CTNNA3: variants seen among roughly 807,000 people sequenced by gnomAD.
CTNNA3 encodes the protein catenin alpha-3.
A neutral mutation model predicts 95.7 loss-of-function variants in CTNNA3; 76 were observed. The observed-to-expected ratio is 0.79, with a 90% CI of 0.66 to 0.96. The LOEUF is 0.96. Among genes scored for constraint, CTNNA3 ranks in the 40% least tolerant of loss-of-function variants. CTNNA3 has a pLI of 0.00. For synonymous variants in CTNNA3, 431 were observed against 374.4 expected (o/e 1.15, Z -1.74); for missense variants, 1,191 against 1,089.8 (o/e 1.09, Z -1.31).
At chr10:67,224,552 C>T (rs544473833) in intron 5 of CTNNA3, among the ~76,000 whole-genome samples, 6 of 152,288 alleles carry the variant, frequency 3.9e-5, no homozygotes, top group Middle Eastern at 3.4e-3. Context: ...GCCCCAACTG[C>T]GGAAGTGGGA....
intron 7 of CTNNA3, among the ~76,000 whole-genome samples, chr10:67,011,560 A>G (rs1279721300): frequency 6.6e-6 from 1 of 152,166 alleles, no homozygotes; most frequent in Non-Finnish European, 1.5e-5. Context: ...TCTATTCCAT[A>G]ACATGTACAT....
At chr10:66,475,636 A>G (rs543128101) in intron 11 of CTNNA3, among the ~76,000 whole-genome samples, 1 of 152,256 alleles carries the variant, frequency 6.6e-6, no homozygotes, top group East Asian at 1.9e-4. Context: ...TGATCATTAG[A>G]AAAATGCAAA....
chr10:66,199,694 C>T (rs1388928493), intron 13 of CTNNA3, among the ~76,000 whole-genome samples: 5 of 141,150 alleles, frequency 3.5e-5, no homozygotes, highest in African/African-American at 5.4e-5. Context: ...CTTCGCCTCC[C>T]GGGTTCAAGT....
At chr10:66,467,662 T>C (rs759516273) in intron 11 of CTNNA3, among the ~76,000 whole-genome samples, 5 of 152,096 alleles carry the variant, frequency 3.3e-5, no homozygotes, top group Non-Finnish European at 5.9e-5. Context: ...CAGATTACTA[T>C]AACCATCATG....
chr10:66,668,422 A>ATGTGTGTG lies in CTNNA3; in HGVS notation c.1282-46646_1282-46639dup, dbSNP rs3055580. On this transcript the variant is annotated intron_variant, in intron 9 of 17. Transcript: ENST00000433211. ...CTAAAACTTTTTTCTCAACTCTCAT[A>ATGTGTGTG]TGTGTGTGTGTGTGTGTGTGTGTGT... 3.7e-3 allele frequency among the ~76,000 whole-genome samples: 545 copies of ATGTGTGTG among 146,980 alleles called. 2 individuals carry two copies. Among genetic ancestry groups the ATGTGTGTG allele is most frequent in the East Asian group, 7.7e-3 (38 of 4,950 alleles).
At chr10:67,552,584 A>G (rs796385620) in intron 3 of CTNNA3, among the ~76,000 whole-genome samples, 71 of 152,022 alleles carry the variant, frequency 4.7e-4, no homozygotes, top group African/African-American at 1.6e-3. Context: ...AATGTGTACC[A>G]TGGTGGTTTG....
chr10:67,716,678 T>G (rs1841145535), intron 1 of CTNNA3, among the ~76,000 whole-genome samples: 1 of 152,222 alleles, frequency 6.6e-6, no homozygotes, highest in Admixed American at 6.5e-5. Flanking sequence ...TGCATAGTAT[T>G]CCATGGTGTG....
At chr10:66,411,848 C>T (rs760639427) in intron 11 of CTNNA3, among the ~76,000 whole-genome samples, 1 of 152,058 alleles carries the variant, frequency 6.6e-6, no homozygotes, top group African/African-American at 2.4e-5. Context: ...AGGAAACACA[C>T]CCAAAAGGAA....
intron 11 of CTNNA3, among the ~76,000 whole-genome samples, chr10:66,407,624 G>A (rs1955299): frequency 0.63 from 95,908 of 151,310 alleles, 32,425 homozygotes; most frequent in East Asian, 0.88. Flanking sequence ...TCTGTCACCC[G>A]GGCTGGAGTG....
intron 5 of CTNNA3, among the ~76,000 whole-genome samples, chr10:67,270,130 CAA>C (rs201216673): frequency 0.01 from 1,021 of 100,526 alleles, 9 homozygotes; most frequent in African/African-American, 0.032. Flanking sequence ...CAGTATTTGT[CAA>C]AAAAAAAAAA....
chr10:67,594,296 C>T (rs575466526), intron 3 of CTNNA3, among the ~76,000 whole-genome samples: 342 of 152,154 alleles, frequency 2.2e-3, no homozygotes, highest in Non-Finnish European at 3.8e-3. Context: ...CCCTCCTCCT[C>T]GATTTTTTGA....
At chr10:66,441,587 A>G (rs1055647671) in intron 11 of CTNNA3, among the ~76,000 whole-genome samples, 1 of 152,244 alleles carries the variant, frequency 6.6e-6, no homozygotes, top group Non-Finnish European at 1.5e-5. Context: ...TGTGAATTAC[A>G]TAATGCAAAC....
chr10:67,306,176 A>G (rs1840546557), intron 5 of CTNNA3, among the ~76,000 whole-genome samples: 1 of 152,198 alleles, frequency 6.6e-6, no homozygotes. Flanking sequence ...AAAAAATTAT[A>G]GAGCCCAGGG....
intron 7 of CTNNA3, among the ~76,000 whole-genome samples, chr10:66,913,035 C>A (rs1364166835): frequency 6.6e-6 from 1 of 151,504 alleles, no homozygotes; most frequent in Non-Finnish European, 1.5e-5. Flanking sequence ...GTCAGGAGAT[C>A]GAGACCATCT....
At chr10:67,336,092 C>T (rs115120577) in intron 5 of CTNNA3, among the ~76,000 whole-genome samples, 2,388 of 152,180 alleles carry the variant, frequency 0.016, 72 homozygotes, top group African/African-American at 0.053. Context: ...ATGAACAGCA[C>T]CCATAAAAGA....
At chr10:67,184,420 T>C (rs1293523343) in intron 6 of CTNNA3, among the ~76,000 whole-genome samples, 1 of 152,202 alleles carries the variant, frequency 6.6e-6, no homozygotes, top group Non-Finnish European at 1.5e-5. Context: ...AAAAAATTTC[T>C]ATTGAAAGCT....
At chr10:67,454,663 G>A (rs956442568) in intron 5 of CTNNA3, among the ~76,000 whole-genome samples, 2 of 151,984 alleles carry the variant, frequency 1.3e-5, no homozygotes, top group African/African-American at 2.4e-5. Flanking sequence ...AATGAGGAGT[G>A]AATTAGATCA....
In CTNNA3 at chr10:66,392,903, CCCAGAT is replaced by C. The variant is rs560591253; in HGVS notation, c.1532-13557_1532-13552del. 4.5e-4 allele frequency among the ~76,000 whole-genome samples: 68 copies of C among 152,168 alleles called. 1 individual carries two copies. In the South Asian group the frequency reaches 0.014, roughly 31 times the overall value. On this transcript the variant is annotated intron_variant, in intron 11 of 17. Transcript: ENST00000433211. ...TCGAGCAACCATACCTTGGTATTTA[CCCAGAT>C]AAATTTAAAACTTACGTTCACACAA...
intron 5 of CTNNA3, among the ~76,000 whole-genome samples, chr10:67,356,212 T>C (rs1842801745): frequency 6.6e-6 from 1 of 151,994 alleles, no homozygotes; most frequent in South Asian, 2.1e-4. Context: ...TTGCTGTAAA[T>C]AAAAGCCAGT....
Sources: gnomAD v4.1 joint callset for allele counts (sites outside exome capture counted in the v4.1 genomes callset) on GRCh38, gnomAD v4.1.1 for gene constraint, MANE v1.5 for transcripts, NCBI Gene and HGNC (gene_info 2026-07-23, HGNC 2026-07-21) for gene names.